ARHGAP8: variants seen among roughly 807,000 people sequenced by gnomAD.
ARHGAP8 encodes the protein Rho GTPase activating protein 8.
A neutral mutation model predicts 46.1 loss-of-function variants in ARHGAP8; 62 were observed. That is an observed-to-expected ratio of 1.34 (90% CI 1.10 to 1.66). ARHGAP8 has a LOEUF of 1.66. Among genes scored for constraint, ARHGAP8 ranks in the 40% most tolerant of loss-of-function variants. The probability of loss-of-function intolerance (pLI) is 0.00; values close to 1 mark genes in which losing one functional copy is unlikely to be tolerated. For missense variants in ARHGAP8, 923 were observed against 568.4 expected, an observed-to-expected ratio of 1.62 and a Z score of -6.34; for synonymous variants, 375 against 243.1, an observed-to-expected ratio of 1.54 and a Z score of -5.05.
chr22:44,768,541 C>T (rs1345223593), intron 1 of ARHGAP8, among the ~76,000 whole-genome samples: 1 of 149,632 alleles, frequency 6.7e-6, no homozygotes. Context: ...TCCTGGGGTC[C>T]AGCACTTCTC....
rs1601530778 is a variant in ARHGAP8 at position 44,858,475 on chromosome 22, C to T, written c.878-1256C>T. ...CTCTGTCTTCTGAGTTCAAGCAATT[C>T]TCCAGCTTCAGCCTCCCATGTAGCT... On this transcript the variant is annotated intron_variant, in intron 10 of 11. Coordinates refer to ENST00000356099, the MANE Select transcript of ARHGAP8 (RefSeq NM_181335.3). Among the ~76,000 whole-genome samples the T allele has an allele frequency of 2.0e-5, 3 of 147,484 alleles. No individual in the cohort carries two copies. The South Asian group carries it at 6.6e-4, about 32-fold the overall frequency.
At chr22:44,860,296 C>G (rs1035958168) in intron 11 of ARHGAP8, among the ~76,000 whole-genome samples, 19 of 152,136 alleles carry the variant, frequency 1.2e-4, no homozygotes, top group Non-Finnish European at 2.9e-5. Context: ...CTGTGTCACT[C>G]TTCTAGAGGC....
chr22:44,777,310 GT>G (rs2147027074), intron 1 of ARHGAP8: 1 of 151,958 alleles, frequency 6.6e-6, no homozygotes, highest in African/African-American at 2.4e-5. Flanking sequence ...TTAAACGTTC[GT>G]CTCAATTTTG....
intron 2 of ARHGAP8, among the ~76,000 whole-genome samples, chr22:44,788,360 C>G (rs1927430058): frequency 6.6e-6 from 1 of 152,050 alleles, no homozygotes; most frequent in Non-Finnish European, 1.5e-5. Context: ...CTCAGGTGAT[C>G]AACCTGCCTT....
intron 8 of ARHGAP8, among the ~76,000 whole-genome samples, chr22:44,846,375 C>G (rs2069956303): frequency 6.6e-6 from 1 of 152,232 alleles, no homozygotes; most frequent in African/African-American, 2.4e-5. Flanking sequence ...CCCCTCCTCA[C>G]TTGTAGGCCA....
At chr22:44,761,438 A>G (rs1426602762) in intron 1 of ARHGAP8, among the ~76,000 whole-genome samples, 1 of 152,256 alleles carries the variant, frequency 6.6e-6, no homozygotes, top group Admixed American at 6.5e-5. Context: ...AACTATTTAC[A>G]GGCATTTACA....
At chr22:44,811,371 A>G (rs1929321996) in intron 4 of ARHGAP8, among the ~76,000 whole-genome samples, 1 of 152,240 alleles carries the variant, frequency 6.6e-6, no homozygotes, top group African/African-American at 2.4e-5. Flanking sequence ...CAGAGCTCTC[A>G]CATTGAAGGG....
chr22:44,791,023 G>C (rs138337498), intron 2 of ARHGAP8, among the ~76,000 whole-genome samples: 1 of 152,002 alleles, frequency 6.6e-6, no homozygotes. Context: ...GTGAGCCACC[G>C]CACCTGGAAC....
At chr22:44,782,072 C>T (rs1034682062) in intron 1 of ARHGAP8, among the ~76,000 whole-genome samples, 2 of 152,106 alleles carry the variant, frequency 1.3e-5, no homozygotes, top group African/African-American at 2.4e-5. Context: ...TGGTGGCTCA[C>T]GCCTATAATC....
At chr22:44,757,294 TGA>T (rs1470280855) in intron 1 of ARHGAP8, among the ~76,000 whole-genome samples, 2 of 151,016 alleles carry the variant, frequency 1.3e-5, no homozygotes, top group African/African-American at 2.5e-5. Flanking sequence ...TTTTTTTTTT[TGA>T]GACAGAGTTT....
chr22:44,851,547 G>A (rs1327860968), intron 10 of ARHGAP8, among the ~76,000 whole-genome samples: 1 of 152,104 alleles, frequency 6.6e-6, no homozygotes, highest in East Asian at 1.9e-4. Flanking sequence ...GACCCAGGCT[G>A]GGCATGGTGG....
intron 4 of ARHGAP8, among the ~76,000 whole-genome samples, chr22:44,813,251 C>G (rs1270216814): frequency 6.6e-6 from 1 of 151,646 alleles, no homozygotes; most frequent in Admixed American, 6.6e-5. Context: ...CATATACATA[C>G]ACTTACACAC....
chr22:44,776,352 C>T (rs1267131987), intron 1 of ARHGAP8, among the ~76,000 whole-genome samples: 1 of 151,578 alleles, frequency 6.6e-6, no homozygotes, highest in African/African-American at 2.4e-5. Context: ...CTCGGGAGGC[C>T]GAGGCAGGAG....
chr22:44,823,596 C>T (rs377618692), intron 6 of ARHGAP8, among the ~76,000 whole-genome samples: 112 of 152,178 alleles, frequency 7.4e-4, no homozygotes, highest in Admixed American at 2.1e-3. Flanking sequence ...AATCCCTGGT[C>T]GCCCGTGGGC....
chr22:44,806,182 C>T (rs1928908254), intron 3 of ARHGAP8, among the ~76,000 whole-genome samples: 1 of 152,152 alleles, frequency 6.6e-6, no homozygotes. Flanking sequence ...TGGACTCTTC[C>T]ACCCCTCTGT....
chr22:44,827,351 T>TG lies in ARHGAP8; in HGVS notation c.596+1758_596+1759insG, dbSNP rs1254655052. ...TTGGGTGGTGGTTTTTTTTTTTTTTTTTTTTTTTTTTGAGACAGTCTCGCT... is the reference window on the plus strand; with the variant it reads ...TTGGGTGGTGGTTTTTTTTTTTTTTTGTTTTTTTTTTTGAGACAGTCTCGCT... On this transcript the variant is annotated intron_variant, in intron 7 of 11. Coordinates refer to ENST00000356099, the MANE Select transcript of ARHGAP8 (RefSeq NM_181335.3). Among the ~76,000 whole-genome samples, 46 of 130,022 alleles carry TG rather than the reference T, an allele frequency of 3.5e-4. No individual in the cohort carries two copies. The South Asian group carries it at 0.012, about 34-fold the overall frequency. 85.3% of individuals were successfully genotyped at this position (130,022 alleles called of 152,430 possible). A position where few individuals can be genotyped will look rare whatever the true frequency, so the allele number is the denominator to read the frequency against.
At chr22:44,754,338 T>TTGTGTGTGTGTGTGTG (rs35257490) in intron 1 of ARHGAP8, among the ~76,000 whole-genome samples, 291 of 146,606 alleles carry the variant, frequency 2.0e-3, no homozygotes, top group African/African-American at 6.6e-3. Context: ...CATTGAAACT[T>TTGTGTGTGTGTGTGTG]TGTGTGTGTG....
chr22:44,791,772 G>A (rs1416392922), intron 2 of ARHGAP8, among the ~76,000 whole-genome samples: 2 of 152,092 alleles, frequency 1.3e-5, no homozygotes, highest in East Asian at 1.9e-4. Context: ...GACCATATGA[G>A]GGCCTCAGCC....
At chr22:44,806,997 G>T (rs377399167) in intron 3 of ARHGAP8, among the ~76,000 whole-genome samples, 1 of 151,860 alleles carries the variant, frequency 6.6e-6, no homozygotes, top group South Asian at 2.1e-4. Context: ...CACAGGAGAA[G>T]CTGGCATCCT....
Sources: gnomAD v4.1 joint callset for allele counts (sites outside exome capture counted in the v4.1 genomes callset) on GRCh38, gnomAD v4.1.1 for gene constraint, MANE v1.5 for transcripts, NCBI Gene and HGNC (gene_info 2026-07-23, HGNC 2026-07-21) for gene names.